The following TSBP1 variants were observed in gnomAD, a reference collection of about 807,000 sequenced individuals.
The protein encoded by TSBP1 is testis-expressed basic protein 1.
In TSBP1, 56 loss-of-function variants were observed where a neutral mutation model predicts 68.8. The ratio of observed to expected loss-of-function variants is 0.81; its 90% CI spans 0.66 to 1.02. TSBP1 has a LOEUF of 1.02. TSBP1 is among the 50% of genes least tolerant of loss of function. TSBP1 has a pLI of 0.00. For missense variants in TSBP1, 502 were observed against 641.2 expected, an observed-to-expected ratio of 0.78 and a Z score of 2.34; for synonymous variants, 171 against 208.7, an observed-to-expected ratio of 0.82 and a Z score of 1.56.
At chr6:32,359,624 T>C (rs1478670219) in intron 6 of TSBP1, among the ~76,000 whole-genome samples, 1 of 152,130 alleles carries the variant, frequency 6.6e-6, no homozygotes, top group Admixed American at 6.5e-5. Context: ...GTAGTTTCTT[T>C]TGCTGTGCAG....
intron 22 of TSBP1, among the ~76,000 whole-genome samples, chr6:32,294,933 C>G (rs745942342): frequency 6.6e-6 from 1 of 151,874 alleles, no homozygotes; most frequent in Non-Finnish European, 1.5e-5. Flanking sequence ...TCTGAGCCAC[C>G]AAGGAATTGT....
chr6:32,331,683 A>C (rs1769034282), intron 15 of TSBP1, among the ~76,000 whole-genome samples: 1 of 152,150 alleles, frequency 6.6e-6, no homozygotes, highest in Admixed American at 6.5e-5. Context: ...ACATCTTATC[A>C]ATATCCTGCC....
At chr6:32,296,142 C>G (rs1764698481) in intron 22 of TSBP1, among the ~76,000 whole-genome samples, 1 of 152,168 alleles carries the variant, frequency 6.6e-6, no homozygotes, top group Non-Finnish European at 1.5e-5. Context: ...CCACACCCAG[C>G]CAATTACAGG....
intron 22 of TSBP1, among the ~76,000 whole-genome samples, chr6:32,296,315 TGTA>T (rs1225346777): frequency 1.3e-5 from 2 of 152,230 alleles, no homozygotes; most frequent in African/African-American, 4.8e-5. Flanking sequence ...AAAGAGTTGT[TGTA>T]GTTCAGTGTT....
chr6:32,329,194 A>G (rs1176631683), intron 16 of TSBP1, among the ~76,000 whole-genome samples: 2 of 152,082 alleles, frequency 1.3e-5, no homozygotes, highest in African/African-American at 2.4e-5. Context: ...TTTATACACT[A>G]TCATATTTTT....
rs1459135621 is a variant in TSBP1, at chr6:32,338,660, G to A, written c.409+319C>T. 1.3e-5 allele frequency among the ~76,000 whole-genome samples: 2 copies of A among 152,234 alleles called. No homozygotes were observed. Among genetic ancestry groups the A allele is most frequent in the Non-Finnish European group, 2.9e-5 (2 of 68,008 alleles). On this transcript the variant is annotated intron_variant, in intron 11 of 22. Coordinates refer to ENST00000612031, the Ensembl canonical transcript of TSBP1. This position sits in a 1 kb window ranked among gnomAD's most constrained non-coding sequence, Gnocchi z 5.5. ...TTCTTGGCGGGTCTTAAGTAGAATG[G>A]CCACCATCAAGCCTCTTTCTTTGAG...
At chr6:32,330,524 C>T (rs1768853809) in intron 16 of TSBP1, 65 bp downstream of exon 17, 8 of 1,471,912 alleles carry the variant, frequency 5.4e-6, no homozygotes, top group South Asian at 3.6e-5. Context: ...AGACAGGGAA[C>T]AGGCCCTCTA....
In TSBP1 at chr6:32,321,706, C is replaced by A. The variant is rs1422871734; in HGVS notation, c.559+1411G>T. On this transcript the variant is annotated intron_variant, in intron 18 of 22. Transcript: ENST00000612031. The surrounding 1 kb of genome is among the most constrained non-coding windows in gnomAD (Gnocchi z 4.3). The stretch of plus-strand genomic sequence containing the variant: ...AATTCTCCTCTCTCAAATACCAATG[C>A]CTTTGTCCTAACATTATTGAAATGA... Among the ~76,000 whole-genome samples, 1 of 152,162 alleles carries A rather than the reference C, an allele frequency of 6.6e-6. No individual in the cohort carries two copies. Among genetic ancestry groups the A allele is most frequent in the Non-Finnish European group, 1.5e-5 (1 of 68,026 alleles).
chr6:32,323,637 A>G, intron 16 of TSBP1, 23 bp from the exon 18 acceptor site: 8 of 1,611,008 alleles, frequency 5.0e-6, no homozygotes, highest in Non-Finnish European at 6.8e-6. Context: ...GAGGTATCTT[A>G]GCAACTGTTT....
chr6:32,370,852 GAA>G (rs1554214193), intron 1 of TSBP1, among the ~76,000 whole-genome samples: 1 of 48,784 alleles, frequency 2.0e-5, no homozygotes, highest in Non-Finnish European at 4.2e-5. Flanking sequence ...AGAAAAAAAA[GAA>G]AAGAGAGAGA....
intron 19 of TSBP1, among the ~76,000 whole-genome samples, chr6:32,308,577 G>A (rs1766018238): frequency 1.6e-5 from 2 of 128,846 alleles, no homozygotes; most frequent in South Asian, 2.6e-4. Context: ...CAGCCTGTGC[G>A]ACAGAGCGAG....
At chr6:32,303,082 A>G (rs1765460446) in intron 19 of TSBP1, among the ~76,000 whole-genome samples, 2 of 152,192 alleles carry the variant, frequency 1.3e-5, no homozygotes, top group East Asian at 1.9e-4. Context: ...TGTTCCAGCT[A>G]TATGGTACTT....
At chr6:32,368,741 T>C in intron 3 of TSBP1, 41 bp downstream of exon 3, 3 of 1,521,542 alleles carry the variant, frequency 2.0e-6, no homozygotes, top group Non-Finnish European at 1.8e-6. Flanking sequence ...GAAAATTCTA[T>C]AAGTACTATA....
At chr6:32,349,581 A>T (rs1771481291) in intron 9 of TSBP1, 159 bp downstream of exon 9, 1 of 593,162 alleles carries the variant, frequency 1.7e-6, no homozygotes, top group South Asian at 2.3e-5. Context: ...TTGACTGATT[A>T]TTGAAGTGTC....
At position 32,330,613 on chromosome 6, in the gene TSBP1, A is replaced by G; in HGVS notation, c.494-4T>C. 1.9e-6 allele frequency: 3 copies of G among 1,598,926 alleles called. No individual in the cohort carries two copies. Among genetic ancestry groups the G allele is most frequent in the Non-Finnish European group, 2.6e-6 (3 of 1,171,618 alleles). ...CCATTGGATCCAGGATATTGTACTAAAAAATAGAAACAAACAAATTAAACA... is the reference window on the plus strand; with the variant it reads ...CCATTGGATCCAGGATATTGTACTAGAAAATAGAAACAAACAAATTAAACA... On this transcript the variant is annotated splice_region_variant and splice_polypyrimidine_tract_variant and intron_variant, in intron 15 of 22. Transcript: ENST00000612031.
chr6:32,334,427 C>T lies in TSBP1; in HGVS notation c.472+1010G>A, dbSNP rs867808496. 3.0e-4 allele frequency among the ~76,000 whole-genome samples: 46 copies of T among 152,238 alleles called. 1 individual carries two copies. The highest frequency in any genetic ancestry group is 1.1e-3 in the African/African-American group (45 of 41,534). On this transcript the variant is annotated intron_variant, in intron 14 of 22. Transcript: ENST00000612031. ...ATTCATTGTTAATAACCTGTTATAA[C>T]ACCCAAAAATGATAGTGGAAAGAAT...
Position 32,335,358 on chromosome 6 carries a change from T to A in TSBP1, c.472+79A>T. ...GACTTGATCCTTGAGTCCTTGGGCA[T>A]GAATAATTGAAATAAAAATAGATTG... is the stretch of plus-strand genomic sequence containing the variant. On this transcript the variant is annotated intron_variant, in intron 14 of 22. Coordinates refer to ENST00000612031, the Ensembl canonical transcript of TSBP1. The surrounding 1 kb of genome is among the most constrained non-coding windows in gnomAD (Gnocchi z 5.5). 1 of 1,346,616 alleles carries A rather than the reference T, an allele frequency of 7.4e-7. No homozygotes were observed. 83.4% of individuals were successfully genotyped at this position (1,346,616 alleles called of 1,614,324 possible). A position where few individuals can be genotyped will look rare whatever the true frequency, so the allele number is the denominator to read the frequency against.
At chr6:32,356,453 C>T (rs1346754929) in intron 6 of TSBP1, among the ~76,000 whole-genome samples, 2 of 152,044 alleles carry the variant, frequency 1.3e-5, no homozygotes, top group African/African-American at 4.8e-5. Flanking sequence ...AAAACGGTGT[C>T]TCAAGCCTGT....
Position 32,316,488 on chromosome 6 carries a change from G to T in TSBP1, c.560-696C>A. 1 of 1,274,210 alleles carries T rather than the reference G, an allele frequency of 7.8e-7. No individual in the cohort carries two copies. The highest frequency in any genetic ancestry group is 1.1e-6 in the Non-Finnish European group (1 of 902,352). 78.9% of individuals were successfully genotyped at this position (1,274,210 alleles called of 1,614,324 possible). A position where few individuals can be genotyped will look rare whatever the true frequency, so the allele number is the denominator to read the frequency against. The stretch of plus-strand genomic sequence containing the variant: ...CCTTCTAGGGAGAGATATTTGTGTT[G>T]GGGAGAATCTTGGTAGTCACACAGC... On this transcript the variant is annotated intron_variant, in intron 18 of 22. Coordinates refer to ENST00000612031, the Ensembl canonical transcript of TSBP1. The surrounding 1 kb of genome is among the most constrained non-coding windows in gnomAD (Gnocchi z 4.5).
Sources: allele counts gnomAD v4.1 joint callset (sites outside exome capture counted in the v4.1 genomes callset), GRCh38; gene constraint gnomAD v4.1.1; non-coding constraint Gnocchi (gnomAD v3.1); transcripts MANE v1.5; gene names NCBI Gene and HGNC (gene_info 2026-07-23, HGNC 2026-07-21).